UNC13C: variants seen among roughly 807,000 people sequenced by gnomAD.
UNC13C encodes unc-13 homolog C.
UNC13C carries 174 observed loss-of-function variants against 245.4 expected under a neutral mutation model. The ratio of observed to expected loss-of-function variants is 0.71; its 90% CI spans 0.63 to 0.80. The LOEUF (loss-of-function observed/expected upper bound fraction) is 0.80. Ranked by LOEUF, UNC13C falls within the 30% of genes least tolerant of loss-of-function variation. The pLI, the probability that UNC13C is intolerant of heterozygous loss-of-function variation, is 0.00. For missense variants in UNC13C, 2,829 were observed against 2,602.9 expected (o/e 1.09, Z -1.89); for synonymous variants, 992 against 895.1 (o/e 1.11, Z -1.93).
chr15:53,927,099 C>T, the UNC13C span, among the ~76,000 whole-genome samples: 4 of 152,198 alleles, frequency 2.6e-5, no homozygotes, highest in African/African-American at 7.2e-5. Flanking sequence ...CTCATTTCAT[C>T]CTCATAACCA....
downstream of UNC13C, chr15:54,633,105 CAGTGAGA>C (rs776490457): frequency 6.6e-6 from 1 of 152,006 alleles, no homozygotes; most frequent in Non-Finnish European, 1.5e-5. Flanking sequence ...ACGGAGGCTG[CAGTGAGA>C]CGAGATCACG....
chr15:54,386,639 C>CT (rs1420956786), intron 17 of UNC13C, among the ~76,000 whole-genome samples: 1 of 152,182 alleles, frequency 6.6e-6, no homozygotes, highest in African/African-American at 2.4e-5. Context: ...ATTTGGCCTC[C>CT]TGCACTTGTT....
intron 30 of UNC13C, among the ~76,000 whole-genome samples, chr15:54,600,700 AAAAT>A (rs1462026559): frequency 6.6e-6 from 1 of 152,144 alleles, no homozygotes; most frequent in Non-Finnish European, 1.5e-5. Flanking sequence ...TTTCTTATAC[AAAAT>A]AAATATTTTA....
the UNC13C span, among the ~76,000 whole-genome samples, chr15:53,959,127 C>T: frequency 6.6e-6 from 1 of 152,104 alleles, no homozygotes; most frequent in African/African-American, 2.4e-5. Flanking sequence ...GACAGGATTT[C>T]ATTCTTTTTT....
chr15:54,020,589 T>G (rs1054621483), intron 2 of UNC13C, among the ~76,000 whole-genome samples: 5 of 152,042 alleles, frequency 3.3e-5, no homozygotes, highest in African/African-American at 1.2e-4. Context: ...GGCCGATTTT[T>G]CTTAACTTAA....
rs1242601088 is a variant in UNC13C, at chr15:54,253,773, CA to C, written c.3448+3330del. ...GATGAGGGTTGTGTGCAGAGTGAGT[CA>C]TATGTAAAAGAGACATCATATGTAA... On this transcript the variant is annotated intron_variant, in intron 8 of 32. Coordinates refer to ENST00000260323, the MANE Select transcript of UNC13C (RefSeq NM_001080534.3). Among the ~76,000 whole-genome samples, 11 of 152,128 alleles carry C rather than the reference CA, an allele frequency of 7.2e-5. No homozygotes were observed. The East Asian group carries it at 1.5e-3, about 21-fold the overall frequency.
At chr15:54,289,758 G>C (rs2037246400) in intron 10 of UNC13C, among the ~76,000 whole-genome samples, 1 of 151,948 alleles carries the variant, frequency 6.6e-6, no homozygotes, top group Admixed American at 6.6e-5. Flanking sequence ...GGACTAAATA[G>C]TACTGTGAAA....
At chr15:54,121,388 A>T (rs1360808465) in intron 2 of UNC13C, among the ~76,000 whole-genome samples, 1 of 152,048 alleles carries the variant, frequency 6.6e-6, no homozygotes, top group Admixed American at 6.6e-5. Context: ...TTTAGACCTA[A>T]TGCTATTAAA....
chr15:54,491,774 G>C (rs747382080), intron 19 of UNC13C, among the ~76,000 whole-genome samples: 1 of 151,926 alleles, frequency 6.6e-6, no homozygotes, highest in Non-Finnish European at 1.5e-5. Flanking sequence ...AGGCCGAGGC[G>C]GGGGGATCAC....
chr15:54,365,119 A>G (rs1199137267), intron 17 of UNC13C, among the ~76,000 whole-genome samples: 1 of 151,940 alleles, frequency 6.6e-6, no homozygotes, highest in East Asian at 1.9e-4. Context: ...CTGCAAACCC[A>G]GCCACAGGCT....
chr15:54,619,368 C>G (rs146985580), intron 30 of UNC13C, among the ~76,000 whole-genome samples: 4 of 152,288 alleles, frequency 2.6e-5, no homozygotes, highest in Admixed American at 6.5e-5. Flanking sequence ...ATGTTTCACT[C>G]TAGCATTATC....
At chr15:54,539,336 G>A (rs900378379) in intron 26 of UNC13C, among the ~76,000 whole-genome samples, 6 of 151,984 alleles carry the variant, frequency 3.9e-5, no homozygotes, top group African/African-American at 1.4e-4. Context: ...TAGGATGTAG[G>A]TAGGGAAGTA....
At chr15:54,237,970 T>G (rs2035748947) in intron 7 of UNC13C, among the ~76,000 whole-genome samples, 1 of 152,196 alleles carries the variant, frequency 6.6e-6, no homozygotes, top group Non-Finnish European at 1.5e-5. Flanking sequence ...CTACTGATTT[T>G]TTACATAGTT....
At chr15:53,971,714 T>A in the UNC13C span, among the ~76,000 whole-genome samples, 4 of 152,174 alleles carry the variant, frequency 2.6e-5, no homozygotes, top group Non-Finnish European at 4.4e-5. Flanking sequence ...TTCATCTATA[T>A]GAGAAAGATT....
chr15:54,575,796 A>T (rs1213618858), intron 30 of UNC13C, among the ~76,000 whole-genome samples: 1 of 152,194 alleles, frequency 6.6e-6, no homozygotes, highest in African/African-American at 2.4e-5. Flanking sequence ...TCTGCCCCTT[A>T]GGCACCATTG....
intron 4 of UNC13C, among the ~76,000 whole-genome samples, chr15:54,171,522 C>A (rs1206074935): frequency 6.6e-6 from 1 of 151,968 alleles, no homozygotes; most frequent in Non-Finnish European, 1.5e-5. Flanking sequence ...TCATTGATCA[C>A]CAGGGAAATG....
intron 1 of UNC13C, among the ~76,000 whole-genome samples, chr15:54,006,482 T>C (rs1895142121): frequency 6.6e-6 from 1 of 152,202 alleles, no homozygotes; most frequent in African/African-American, 2.4e-5. Flanking sequence ...TGCTTTTGCC[T>C]TAAAGTAAGG....
chr15:54,318,506 T>C (rs1381502646), intron 13 of UNC13C, among the ~76,000 whole-genome samples: 1 of 151,940 alleles, frequency 6.6e-6, no homozygotes, highest in African/African-American at 2.4e-5. Context: ...TATATACCTT[T>C]CAGCCTTTTC....
intron 23 of UNC13C, among the ~76,000 whole-genome samples, chr15:54,509,076 G>A (rs8042609): frequency 0.033 from 5,056 of 152,256 alleles, 314 homozygotes; most frequent in African/African-American, 0.12. Flanking sequence ...GCGTGCACCT[G>A]TAATCCAAGC....
Sources: allele counts gnomAD v4.1 joint callset (sites outside exome capture counted in the v4.1 genomes callset), GRCh38; gene constraint gnomAD v4.1.1; transcripts MANE v1.5; gene names NCBI Gene and HGNC (gene_info 2026-07-23, HGNC 2026-07-21).